Variants in CFHR5 observed in about 807,000 individuals in gnomAD.
CFHR5 encodes the protein complement factor H-related protein 5.
CFHR5 carries 73 observed loss-of-function variants against 62.9 expected under a neutral mutation model. The ratio of observed to expected loss-of-function variants is 1.16; its 90% CI spans 0.96 to 1.41. CFHR5 has a LOEUF of 1.41. Among genes scored for constraint, CFHR5 ranks in the 40% most tolerant of loss-of-function variants. CFHR5 has a pLI of 0.00. For missense variants in CFHR5, 779 were observed against 679.9 expected, an observed-to-expected ratio of 1.15 and a Z score of -1.62; for synonymous variants, 249 against 227.2, an observed-to-expected ratio of 1.10 and a Z score of -0.86.
chr1:197,008,777 C>A lies in CFHR5; in HGVS notation c.*94C>A. 1 of 1,031,712 alleles carries A rather than the reference C, an allele frequency of 9.7e-7. No individual in the cohort carries two copies. The highest frequency in any genetic ancestry group is 1.5e-6 in the Non-Finnish European group (1 of 663,858). The allele number at this position is 1,031,712 out of a possible 1,614,324, so 63.9% of individuals were successfully genotyped here. A position where few individuals can be genotyped will look rare whatever the true frequency, so the allele number is the denominator to read the frequency against. ...CAATTCTGTAGTTACTTCTTTTATT[C>A]TTTCAGGTGTTGTTTAACTCAGTTT... On this transcript the variant is annotated 3_prime_UTR_variant, in exon 10 of 10. Coordinates refer to ENST00000256785, the MANE Select transcript of CFHR5 (RefSeq NM_030787.4).
At chr1:196,983,392 C>T (rs878934556) in intron 2 of CFHR5, among the ~76,000 whole-genome samples, 2 of 152,130 alleles carry the variant, frequency 1.3e-5, no homozygotes, top group Admixed American at 1.3e-4. Context: ...TCATAGTTTT[C>T]CTTTAAAATA....
intron 9 of CFHR5, among the ~76,000 whole-genome samples, chr1:197,005,960 A>G (rs1033017273): frequency 6.6e-6 from 1 of 152,196 alleles, no homozygotes; most frequent in Non-Finnish European, 1.5e-5. Flanking sequence ...TATAAGGCAG[A>G]AGTATCATCT....
Position 197,002,567 on chromosome 1 carries a change from A to G in CFHR5, c.1233A>G (p.Glu411=), listed in dbSNP as rs1654182393. ...CCACAGTGAATTATCAGGATGGAGA[A>G]AAAGTAGCTGTTCTCTGTAAAGAAA... The part of the protein sequence containing the change: ...MTTTVNYQDG[E]KVAVLCKENY... Residue 411 remains glutamate, a synonymous_variant, in exon 8 of 10, where the codon GAA becomes GAG. Transcript: ENST00000256785. 1 of 1,613,348 alleles carries G rather than the reference A, an allele frequency of 6.2e-7. No homozygotes were observed. The highest frequency in any genetic ancestry group is 1.3e-5 in the African/African-American group (1 of 74,888).
chr1:196,998,626 A>C (rs1348495195), intron 7 of CFHR5, among the ~76,000 whole-genome samples: 1 of 152,058 alleles, frequency 6.6e-6, no homozygotes, highest in African/African-American at 2.4e-5. Context: ...TAAAACCCCA[A>C]TTATGCACTG....
intron 6 of CFHR5, among the ~76,000 whole-genome samples, chr1:196,996,907 G>T (rs1654006106): frequency 6.6e-6 from 1 of 151,918 alleles, no homozygotes; most frequent in African/African-American, 2.4e-5. Flanking sequence ...TAGTCTATCA[G>T]CCTGTGTGCT....
Position 196,994,701 on chromosome 1 carries a change from A to C in CFHR5, c.607+445A>C, listed in dbSNP as rs529967509. Among the ~76,000 whole-genome samples, 76 of 152,284 alleles carry C rather than the reference A, an allele frequency of 5.0e-4. 1 individual carries two copies. The highest frequency in any genetic ancestry group is 1.8e-3 in the African/African-American group (73 of 41,550). On this transcript the variant is annotated intron_variant, in intron 4 of 9. Transcript: ENST00000256785. Reference sequence around the variant, plus strand: ...TTTATCAAAAATGGCTTATCACATTATTTGAAGTATGTATTAGTCCCTTTT... The same window carrying C: ...TTTATCAAAAATGGCTTATCACATTCTTTGAAGTATGTATTAGTCCCTTTT...
intron 9 of CFHR5, among the ~76,000 whole-genome samples, chr1:197,007,231 A>G (rs1160505108): frequency 6.6e-6 from 1 of 151,976 alleles, no homozygotes; most frequent in Non-Finnish European, 1.5e-5. Flanking sequence ...AGGCCCTGGC[A>G]GAGATAGATT....
chr1:196,982,239 T>C (rs1418860203), intron 1 of CFHR5, among the ~76,000 whole-genome samples: 2 of 152,196 alleles, frequency 1.3e-5, no homozygotes, highest in Non-Finnish European at 2.9e-5. Flanking sequence ...TACTGTACAC[T>C]ACATAGACCA....
At chr1:196,988,631 G>A (rs1334767058) in intron 3 of CFHR5, among the ~76,000 whole-genome samples, 5 of 151,994 alleles carry the variant, frequency 3.3e-5, no homozygotes, top group African/African-American at 7.2e-5. Context: ...AGATAATCAC[G>A]TGTTTTTGTC....
chr1:196,993,932 TA>T, intron 3 of CFHR5, 147 bp from the exon 4 acceptor site: 2 of 655,254 alleles, frequency 3.1e-6, no homozygotes, highest in Non-Finnish European at 5.2e-6. Flanking sequence ...TTATTGGGTA[TA>T]AATAATTAGT....
At chr1:196,988,706 C>T (rs1653761367) in intron 3 of CFHR5, among the ~76,000 whole-genome samples, 1 of 152,084 alleles carries the variant, frequency 6.6e-6, no homozygotes, top group Non-Finnish European at 1.5e-5. Context: ...GCCTTGCATC[C>T]CAAGGATGAA....
chr1:196,994,435 G>C (rs936322889), intron 4 of CFHR5, among the ~76,000 whole-genome samples, 179 bp downstream of exon 4: 7 of 152,132 alleles, frequency 4.6e-5, no homozygotes, highest in African/African-American at 1.7e-4. Context: ...CCGTAATCAA[G>C]GAGTAATTCT....
intron 6 of CFHR5, among the ~76,000 whole-genome samples, chr1:196,997,290 T>C (rs1249890165): frequency 6.6e-6 from 1 of 152,170 alleles, no homozygotes; most frequent in Non-Finnish European, 1.5e-5. Flanking sequence ...AGAACGCTGT[T>C]ATGGGAAGAT....
At chr1:196,977,775 G>A in intron 1 of CFHR5, 53 bp downstream of exon 1, 2 of 1,337,864 alleles carry the variant, frequency 1.5e-6, no homozygotes, top group Non-Finnish European at 2.2e-6. Flanking sequence ...TGTATTTATT[G>A]ATTGTGTGTG....
In CFHR5 at chr1:196,995,865, G is replaced by A. The variant is rs765442245; in HGVS notation, c.756G>A (p.Val252=). The change falls in exon 5 of 10, where the codon GTG becomes GTA. Residue 252 remains valine, a synonymous_variant. Coordinates refer to ENST00000256785, the MANE Select transcript of CFHR5 (RefSeq NM_030787.4). The part of the protein sequence containing the change: ...IINGPKKIQC[V]DGEWTTLPTC... ...ACGGGCCTAAGAAAATACAATGTGT[G>A]GATGGAGAATGGACAACTTTACCCA... The A allele has an allele frequency of 4.2e-5, 67 of 1,613,084 alleles. 1 individual carries two copies. The South Asian group carries it at 6.6e-4, about 16-fold the overall frequency.
chr1:196,986,989 T>C (rs1653700373), intron 3 of CFHR5, among the ~76,000 whole-genome samples: 1 of 152,172 alleles, frequency 6.6e-6, no homozygotes, highest in South Asian at 2.1e-4. Flanking sequence ...CCAACAACAG[T>C]GTAAAAGAGT....
intron 1 of CFHR5, 113 bp from the exon 2 acceptor site, chr1:196,982,772 G>A (rs544847415): frequency 1.3e-5 from 12 of 898,660 alleles, no homozygotes; most frequent in Middle Eastern, 4.8e-4. Flanking sequence ...TAAGCTAAAG[G>A]CATTTAAGCT....
At chr1:196,982,805 T>G in intron 1 of CFHR5, 80 bp from the exon 2 acceptor site, 31 of 1,332,798 alleles carry the variant, frequency 2.3e-5, no homozygotes, top group Middle Eastern at 1.8e-4. Context: ...AAACTATAAA[T>G]GAGATGACTA....
intron 9 of CFHR5, among the ~76,000 whole-genome samples, chr1:197,005,328 A>G (rs543594853): frequency 7.9e-5 from 12 of 152,298 alleles, no homozygotes; most frequent in African/African-American, 2.6e-4. Flanking sequence ...CAGGAGAGAT[A>G]GAAAATCTGG....
Sources: allele counts gnomAD v4.1 joint callset (sites outside exome capture counted in the v4.1 genomes callset), GRCh38; gene constraint gnomAD v4.1.1; transcripts MANE v1.5; gene names NCBI Gene and HGNC (gene_info 2026-07-23, HGNC 2026-07-21).